The following ERBB4 variants were observed in gnomAD, a reference collection of about 807,000 sequenced individuals.
ERBB4 encodes erb-b2 receptor tyrosine kinase 4.
In ERBB4, 42 loss-of-function variants were observed where a neutral mutation model predicts 158.0. That is an observed-to-expected ratio of 0.27 (90% CI 0.21 to 0.34). ERBB4 has a LOEUF of 0.34. ERBB4 is among the 10% of genes least tolerant of loss of function. The probability of loss-of-function intolerance (pLI) is 1.00; values close to 1 mark genes in which losing one functional copy is unlikely to be tolerated. For synonymous variants in ERBB4, 583 were observed against 558.7 expected, an observed-to-expected ratio of 1.04 and a Z score of -0.61; for missense variants, 1,333 against 1,624.1, an observed-to-expected ratio of 0.82 and a Z score of 3.08.
At chr2:212,290,344 T>C (rs576844091) in intron 1 of ERBB4, among the ~76,000 whole-genome samples, 2 of 152,152 alleles carry the variant, frequency 1.3e-5, no homozygotes, top group Non-Finnish European at 1.5e-5. Context: ...CACACAGTAG[T>C]ACATAGCATT....
chr2:211,755,184 T>C (rs1237692344), intron 4 of ERBB4, among the ~76,000 whole-genome samples: 2 of 152,184 alleles, frequency 1.3e-5, no homozygotes, highest in Non-Finnish European at 2.9e-5. Context: ...TCAGTTACTT[T>C]ATTAACTATT....
intron 2 of ERBB4, among the ~76,000 whole-genome samples, chr2:212,099,845 G>A (rs1006567322): frequency 6.6e-6 from 1 of 151,090 alleles, no homozygotes; most frequent in African/African-American, 2.4e-5. Context: ...GGGGATGGTG[G>A]CTAGTGGGGA....
chr2:212,139,542 T>G (rs1289419023), intron 1 of ERBB4, among the ~76,000 whole-genome samples: 1 of 151,984 alleles, frequency 6.6e-6, no homozygotes, highest in Non-Finnish European at 1.5e-5. Context: ...AAGTAGAGAA[T>G]AATTGATGAT....
intron 3 of ERBB4, among the ~76,000 whole-genome samples, chr2:211,811,049 T>G (rs999159280): frequency 2.4e-4 from 36 of 152,322 alleles, no homozygotes; most frequent in African/African-American, 7.7e-4. Flanking sequence ...AATTTGATTC[T>G]GTTATTATGA....
chr2:211,517,528 A>C (rs1574654348), intron 20 of ERBB4, among the ~76,000 whole-genome samples: 1 of 152,124 alleles, frequency 6.6e-6, no homozygotes, highest in East Asian at 1.9e-4. Flanking sequence ...TTTATGGGTG[A>C]AAGTTAATGG....
chr2:212,271,743 T>A (rs1463251256), intron 1 of ERBB4, among the ~76,000 whole-genome samples: 1 of 151,734 alleles, frequency 6.6e-6, no homozygotes, highest in Non-Finnish European at 1.5e-5. Flanking sequence ...ACTCCACATT[T>A]AGAGCTGGAA....
At chr2:211,878,398 A>T (rs1421558673) in intron 3 of ERBB4, among the ~76,000 whole-genome samples, 1 of 152,192 alleles carries the variant, frequency 6.6e-6, no homozygotes, top group Admixed American at 6.5e-5. Flanking sequence ...TGGAAAATAC[A>T]ATAGTATTCA....
At chr2:212,343,459 A>G (rs975548414) in intron 1 of ERBB4, among the ~76,000 whole-genome samples, 4 of 152,220 alleles carry the variant, frequency 2.6e-5, no homozygotes, top group African/African-American at 7.2e-5. Context: ...TAGAGTCAAA[A>G]GGATGCTATA....
At chr2:211,847,131 T>G (rs2077609699) in intron 3 of ERBB4, among the ~76,000 whole-genome samples, 1 of 152,168 alleles carries the variant, frequency 6.6e-6, no homozygotes, top group African/African-American at 2.4e-5. Context: ...TAACATTTAA[T>G]GGATTCTTTG....
intron 5 of ERBB4, among the ~76,000 whole-genome samples, chr2:211,729,240 T>C (rs4672624): frequency 0.033 from 5,046 of 151,820 alleles, 313 homozygotes; most frequent in East Asian, 0.23. Context: ...TAAATTATTA[T>C]CCAAATGCAG....
chr2:211,398,638 C>G (rs910275761), intron 25 of ERBB4, among the ~76,000 whole-genome samples: 3 of 152,082 alleles, frequency 2.0e-5, no homozygotes, highest in African/African-American at 7.2e-5. Context: ...GTCAGGAGTT[C>G]AAGACCAGAT....
intron 19 of ERBB4, among the ~76,000 whole-genome samples, chr2:211,589,203 C>T (rs1469725416): frequency 1.3e-5 from 2 of 152,048 alleles, no homozygotes; most frequent in East Asian, 1.9e-4. Flanking sequence ...ACAAAATGTT[C>T]ATTTTTTTAG....
intron 1 of ERBB4, among the ~76,000 whole-genome samples, chr2:212,523,186 A>AAT (rs1692267740): frequency 6.6e-6 from 1 of 151,914 alleles, no homozygotes; most frequent in Admixed American, 6.6e-5. Flanking sequence ...CCAGGCATGC[A>AAT]TATGTACATC....
intron 1 of ERBB4, among the ~76,000 whole-genome samples, chr2:212,218,132 A>T (rs1373705342): frequency 2.6e-5 from 4 of 151,378 alleles, no homozygotes; most frequent in African/African-American, 4.8e-5. Flanking sequence ...TCCATTGCTA[A>T]CGAGAGCTGC....
chr2:211,508,948 AAC>A (rs1308692373), intron 20 of ERBB4, among the ~76,000 whole-genome samples: 2 of 115,192 alleles, frequency 1.7e-5, no homozygotes, highest in African/African-American at 6.7e-5. Context: ...CAAACAAAAA[AAC>A]AAAACAAAAA....
In ERBB4 at chr2:211,773,641, TA is replaced by T. The variant is rs1559506457; in HGVS notation, c.556+14383del. Among the ~76,000 whole-genome samples the T allele has an allele frequency of 9.8e-4, 86 of 87,656 alleles. 4 individuals are homozygous for T. The highest frequency in any genetic ancestry group is 2.9e-3 in the African/African-American group (66 of 22,758). The allele number at this position is 87,656 out of a possible 152,430, so 57.5% of individuals were successfully genotyped here. ...ATATATATATATATATATATATATATATATATAATATATATACACACACACA... is the reference window on the plus strand; with the variant it reads ...ATATATATATATATATATATATATATTATATAATATATATACACACACACA... On this transcript the variant is annotated intron_variant, in intron 4 of 27. Coordinates refer to ENST00000342788, the MANE Select transcript of ERBB4 (RefSeq NM_005235.3).
At chr2:211,818,417 G>C (rs1001763759) in intron 3 of ERBB4, among the ~76,000 whole-genome samples, 1 of 151,956 alleles carries the variant, frequency 6.6e-6, no homozygotes, top group African/African-American at 2.4e-5. Context: ...ATACAGGAGG[G>C]CGAATTTTAA....
At chr2:211,493,590 C>A (rs772704221) in intron 20 of ERBB4, among the ~76,000 whole-genome samples, 1 of 150,976 alleles carries the variant, frequency 6.6e-6, no homozygotes, top group East Asian at 1.9e-4. Context: ...AAAAAAAACA[C>A]CTTTGCATAG....
chr2:212,461,754 T>C (rs1688587373), intron 1 of ERBB4, among the ~76,000 whole-genome samples: 3 of 152,142 alleles, frequency 2.0e-5, no homozygotes, highest in Admixed American at 2.0e-4. Context: ...CCAAATCTCA[T>C]CTTGAATTCC....
Sources: allele counts gnomAD v4.1 joint callset (sites outside exome capture counted in the v4.1 genomes callset), GRCh38; gene constraint gnomAD v4.1.1; transcripts MANE v1.5; gene names NCBI Gene and HGNC (gene_info 2026-07-23, HGNC 2026-07-21).